The following PCDH9 variants were observed in gnomAD, a reference collection of about 807,000 sequenced individuals.
The protein encoded by PCDH9 is protocadherin-9.
Under a neutral mutation model 70.6 loss-of-function variants are expected in PCDH9, and 24 were observed. The ratio of observed to expected loss-of-function variants is 0.34; its 90% CI spans 0.25 to 0.48. PCDH9 has a LOEUF of 0.48. Ranked by LOEUF, PCDH9 falls within the 20% of genes least tolerant of loss-of-function variation. The probability of loss-of-function intolerance (pLI) is 0.99; values close to 1 mark genes in which losing one functional copy is unlikely to be tolerated. For synonymous variants in PCDH9, 562 were observed against 558.5 expected (o/e 1.01, Z -0.09); for missense variants, 1,281 against 1,503.6 (o/e 0.85, Z 2.45).
chr13:67,019,429 T>C (rs1199365367), intron 2 of PCDH9, among the ~76,000 whole-genome samples: 1 of 151,842 alleles, frequency 6.6e-6, no homozygotes, highest in Non-Finnish European at 1.5e-5. Context: ...TCTCCTGACC[T>C]CATGATCCTC....
chr13:66,384,304 T>C (rs1022383324), intron 4 of PCDH9, among the ~76,000 whole-genome samples: 1 of 152,050 alleles, frequency 6.6e-6, no homozygotes, highest in Non-Finnish European at 1.5e-5. Flanking sequence ...ATGATGAAAA[T>C]GTGGAATGTT....
At chr13:67,162,999 C>A (rs766200320) in intron 2 of PCDH9, among the ~76,000 whole-genome samples, 1 of 152,136 alleles carries the variant, frequency 6.6e-6, no homozygotes, top group Admixed American at 6.6e-5. Context: ...ACATTTAGAT[C>A]ATGATGTGAA....
chr13:66,723,061 T>C (rs751611364), intron 3 of PCDH9, among the ~76,000 whole-genome samples: 2 of 151,960 alleles, frequency 1.3e-5, no homozygotes, highest in African/African-American at 2.4e-5. Flanking sequence ...TTGCAAGGCA[T>C]ACTCATACAT....
In PCDH9 at chr13:66,746,721, T is replaced by G. The variant is rs567351246; in HGVS notation, c.3139-115310A>C. Among the ~76,000 whole-genome samples, 15 of 152,270 alleles carry G rather than the reference T, an allele frequency of 9.9e-5. No individual in the cohort carries two copies. The South Asian group carries it at 2.9e-3, about 30-fold the overall frequency. The stretch of plus-strand genomic sequence containing the variant: ...TTGATAGGAAATTTGAAATCAAACT[T>G]CTTCAAGAATAAGTAGTAATAAATA... On this transcript the variant is annotated intron_variant, in intron 3 of 4. Coordinates refer to ENST00000377865, the MANE Select transcript of PCDH9 (RefSeq NM_203487.3).
chr13:66,459,056 A>G (rs907737703), intron 4 of PCDH9, among the ~76,000 whole-genome samples: 2 of 151,930 alleles, frequency 1.3e-5, no homozygotes, highest in Non-Finnish European at 2.9e-5. Flanking sequence ...GGACCAAAAT[A>G]TGCTGCTTTT....
chr13:67,105,437 G>C (rs2086519646), intron 2 of PCDH9, among the ~76,000 whole-genome samples: 1 of 152,112 alleles, frequency 6.6e-6, no homozygotes, highest in Admixed American at 6.5e-5. Flanking sequence ...TACTGGAAAA[G>C]AAGGGGTTAT....
chr13:66,824,750 A>G (rs2080787853), intron 3 of PCDH9, among the ~76,000 whole-genome samples: 1 of 149,106 alleles, frequency 6.7e-6, no homozygotes, highest in African/African-American at 2.5e-5. Flanking sequence ...ACACACACAC[A>G]TACATATAAG....
intron 3 of PCDH9, among the ~76,000 whole-genome samples, chr13:66,875,341 A>G (rs1240402260): frequency 6.6e-6 from 1 of 152,198 alleles, no homozygotes; most frequent in Non-Finnish European, 1.5e-5. Flanking sequence ...ATAGATCCAC[A>G]TGTATCTTCT....
chr13:66,521,684 T>G (rs185042209), intron 4 of PCDH9, among the ~76,000 whole-genome samples: 27 of 152,232 alleles, frequency 1.8e-4, no homozygotes, highest in Admixed American at 1.8e-3. Context: ...AAACATGTGA[T>G]TCAATCCTCA....
intron 4 of PCDH9, among the ~76,000 whole-genome samples, chr13:66,580,386 C>A (rs2076873857): frequency 6.6e-6 from 1 of 151,916 alleles, no homozygotes; most frequent in Non-Finnish European, 1.5e-5. Context: ...TTCTGTCTGG[C>A]ACCTGGGAAA....
intron 4 of PCDH9, among the ~76,000 whole-genome samples, chr13:66,437,779 G>A (rs576802467): frequency 1.2e-4 from 18 of 152,122 alleles, no homozygotes; most frequent in African/African-American, 3.4e-4. Context: ...CTTATGCCCC[G>A]CAATTCCACT....
intron 3 of PCDH9, among the ~76,000 whole-genome samples, chr13:66,689,535 A>T (rs1286358340): frequency 6.6e-6 from 1 of 152,168 alleles, no homozygotes; most frequent in East Asian, 1.9e-4. Context: ...TTATTTAAAT[A>T]GCTGACTGAA....
At position 66,310,099 on chromosome 13, in the gene PCDH9, G is replaced by A. The variant is rs1048468741; in HGVS notation, c.3341-5071C>T. 3.3e-5 allele frequency among the ~76,000 whole-genome samples: 5 copies of A among 151,648 alleles called. No individual in the cohort carries two copies. In the South Asian group the frequency reaches 8.3e-4, roughly 25 times the overall value. ...TTTGTTGCTTTGCACAGTCTTTAATGTCTGAGTTTGGTTATCCTTGGGTTT... is the reference window on the plus strand; with the variant it reads ...TTTGTTGCTTTGCACAGTCTTTAATATCTGAGTTTGGTTATCCTTGGGTTT... On this transcript the variant is annotated intron_variant, in intron 4 of 4. Transcript: ENST00000377865.
At chr13:66,436,323 C>G (rs1957867526) in intron 4 of PCDH9, among the ~76,000 whole-genome samples, 1 of 152,102 alleles carries the variant, frequency 6.6e-6, no homozygotes, top group Non-Finnish European at 1.5e-5. Context: ...TGTGAAGACA[C>G]AGCAAGAAAC....
At chr13:66,810,709 A>G (rs191924600) in intron 3 of PCDH9, among the ~76,000 whole-genome samples, 1 of 152,054 alleles carries the variant, frequency 6.6e-6, no homozygotes, top group Non-Finnish European at 1.5e-5. Context: ...TCCAAAAAAC[A>G]CCAGAGATGT....
intron 3 of PCDH9, among the ~76,000 whole-genome samples, chr13:66,663,279 A>G (rs1003418691): frequency 5.3e-5 from 8 of 152,224 alleles, no homozygotes; most frequent in African/African-American, 1.9e-4. Context: ...GTAAAACAAA[A>G]TAAGTCCCTT....
intron 4 of PCDH9, among the ~76,000 whole-genome samples, chr13:66,420,196 C>T (rs1957539355): frequency 6.6e-6 from 1 of 152,132 alleles, no homozygotes; most frequent in Non-Finnish European, 1.5e-5. Context: ...GATAAAACTG[C>T]CATCTCCCTG....
chr13:67,192,743 C>T (rs2088951968), intron 2 of PCDH9, among the ~76,000 whole-genome samples: 1 of 152,106 alleles, frequency 6.6e-6, no homozygotes, highest in South Asian at 2.1e-4. Flanking sequence ...TAAAATAACA[C>T]AGATAACCTG....
At chr13:66,322,290 T>A (rs1955769741) in intron 4 of PCDH9, among the ~76,000 whole-genome samples, 1 of 151,910 alleles carries the variant, frequency 6.6e-6, no homozygotes, top group Non-Finnish European at 1.5e-5. Flanking sequence ...CAGGTGTAAA[T>A]TAACCTATGA....
Sources: allele counts gnomAD v4.1 joint callset (sites outside exome capture counted in the v4.1 genomes callset), GRCh38; gene constraint gnomAD v4.1.1; transcripts MANE v1.5; gene names NCBI Gene and HGNC (gene_info 2026-07-23, HGNC 2026-07-21).